The following CSRNP3 variants were observed in gnomAD, a reference collection of about 807,000 sequenced individuals.
The protein encoded by CSRNP3 is cysteine and serine rich nuclear protein 3, also known as cysteine/serine-rich nuclear protein 3.
CSRNP3 carries 12 observed loss-of-function variants against 48.0 expected under a neutral mutation model. The observed-to-expected ratio is 0.25, with a 90% confidence interval of 0.16 to 0.41. CSRNP3 has a LOEUF of 0.41. Among genes scored for constraint, CSRNP3 ranks in the 10% least tolerant of loss-of-function variants. CSRNP3 has a pLI of 1.00. For missense variants in CSRNP3, 580 were observed against 724.4 expected (o/e 0.80, Z 2.29); for synonymous variants, 263 against 269.7 (o/e 0.98, Z 0.24).
intron 4 of CSRNP3, among the ~76,000 whole-genome samples, chr2:165,618,936 C>T (rs1226225079): frequency 6.6e-6 from 1 of 152,188 alleles, no homozygotes; most frequent in Admixed American, 6.5e-5. Context: ...CATTCGGTAA[C>T]ATGCTAGGAA....
In CSRNP3 at chr2:165,532,995, A is replaced by C. The variant is rs191652734; in HGVS notation, c.-24+15034A>C. ...AGAGAATAAAATACCTAGGAATCCA[A>C]CTTACAAGGGATGTGAAAATTCTTA... On this transcript the variant is annotated intron_variant, in intron 3 of 6. Coordinates refer to ENST00000651982, the MANE Select transcript of CSRNP3 (RefSeq NM_001172173.2). Among the ~76,000 whole-genome samples, 450 of 152,226 alleles carry C rather than the reference A, an allele frequency of 3.0e-3. 2 individuals carry two copies. Among genetic ancestry groups the C allele is most frequent in the African/African-American group, 0.01 (426 of 41,544 alleles).
chr2:165,562,850 GA>G (rs1310292853), intron 3 of CSRNP3, among the ~76,000 whole-genome samples: 1 of 152,138 alleles, frequency 6.6e-6, no homozygotes, highest in Non-Finnish European at 1.5e-5. Context: ...GTAATAAAGA[GA>G]CATGAAAGAG....
intron 3 of CSRNP3, among the ~76,000 whole-genome samples, chr2:165,558,322 T>G (rs1685187764): frequency 6.6e-6 from 1 of 152,212 alleles, no homozygotes. Context: ...CCAGCCTGGA[T>G]CTTAAAAGAA....
intron 2 of CSRNP3, among the ~76,000 whole-genome samples, chr2:165,511,551 A>ATCTT (rs1684506180): frequency 1.3e-5 from 2 of 152,310 alleles, no homozygotes; most frequent in East Asian, 3.9e-4. Flanking sequence ...TTGAAGACAG[A>ATCTT]CTACATGATC....
chr2:165,473,951 G>A (rs189509679), intron 1 of CSRNP3, among the ~76,000 whole-genome samples: 6 of 151,960 alleles, frequency 3.9e-5, no homozygotes, highest in African/African-American at 7.2e-5. Flanking sequence ...ACTTTGATAC[G>A]AGATCAACTT....
Position 165,533,909 on chromosome 2 carries a change from G to A in CSRNP3, c.-24+15948G>A, listed in dbSNP as rs1684848889. Among the ~76,000 whole-genome samples, 2 of 151,812 alleles carry A rather than the reference G, an allele frequency of 1.3e-5. 1 individual carries two copies. The highest frequency in any genetic ancestry group is 1.3e-4 in the Admixed American group (2 of 15,214). On this transcript the variant is annotated intron_variant, in intron 3 of 6. Coordinates refer to ENST00000651982, the MANE Select transcript of CSRNP3 (RefSeq NM_001172173.2). Reference sequence around the variant, plus strand: ...ACTTTTTATAAATGGGGAAATATAAGACAATAAATGTTACTGTTTTCAACA... The same window carrying A: ...ACTTTTTATAAATGGGGAAATATAAAACAATAAATGTTACTGTTTTCAACA...
chr2:165,661,772 C>T (rs1687101499), intron 5 of CSRNP3, among the ~76,000 whole-genome samples: 1 of 152,140 alleles, frequency 6.6e-6, no homozygotes, highest in African/African-American at 2.4e-5. Context: ...TTGTGAGTGA[C>T]AGTGAATTGC....
chr2:165,643,205 A>G (rs1300373800), intron 4 of CSRNP3, among the ~76,000 whole-genome samples: 1 of 152,194 alleles, frequency 6.6e-6, no homozygotes. Flanking sequence ...ACGCTGTTGG[A>G]AAACATTCCT....
intron 3 of CSRNP3, among the ~76,000 whole-genome samples, chr2:165,566,509 A>G (rs1685299904): frequency 6.6e-6 from 1 of 151,798 alleles, no homozygotes; most frequent in Non-Finnish European, 1.5e-5. Context: ...AAATGGAGAT[A>G]GTAAAAGTAG....
chr2:165,599,510 C>G (rs576728593), intron 4 of CSRNP3, among the ~76,000 whole-genome samples: 2 of 152,172 alleles, frequency 1.3e-5, no homozygotes, highest in South Asian at 2.1e-4. Context: ...AGACTGGTCT[C>G]AAACTACTGG....
chr2:165,482,257 G>C (rs554313296), intron 1 of CSRNP3, among the ~76,000 whole-genome samples: 6 of 139,766 alleles, frequency 4.3e-5, no homozygotes, highest in African/African-American at 1.7e-4. Flanking sequence ...TTAAATTTAA[G>C]AGATGTGCTT....
At chr2:165,666,049 AAAGAGAG>A (rs1488846402) in intron 5 of CSRNP3, among the ~76,000 whole-genome samples, 5 of 40,810 alleles carry the variant, frequency 1.2e-4, no homozygotes, top group South Asian at 2.0e-3. Context: ...GGAAGGAAGG[AAAGAGAG>A]AGGAAGAAAG....
At chr2:165,546,114 G>A (rs1685021541) in intron 3 of CSRNP3, among the ~76,000 whole-genome samples, 1 of 152,122 alleles carries the variant, frequency 6.6e-6, no homozygotes, top group Non-Finnish European at 1.5e-5. Flanking sequence ...CTGGACTGCA[G>A]CTAGGTCTGT....
chr2:165,477,213 T>C (rs1355037222), intron 1 of CSRNP3, among the ~76,000 whole-genome samples: 2 of 151,962 alleles, frequency 1.3e-5, no homozygotes, highest in Non-Finnish European at 2.9e-5. Flanking sequence ...AAAAATATTC[T>C]ATGATTAAAT....
intron 3 of CSRNP3, among the ~76,000 whole-genome samples, chr2:165,519,105 AACCC>A (rs1684617530): frequency 6.6e-6 from 1 of 152,092 alleles, no homozygotes; most frequent in Non-Finnish European, 1.5e-5. Context: ...GTTCCATTAC[AACCC>A]ACACCCAAAT....
chr2:165,513,212 A>G (rs1684531410), intron 2 of CSRNP3, among the ~76,000 whole-genome samples: 1 of 152,180 alleles, frequency 6.6e-6, no homozygotes, highest in East Asian at 1.9e-4. Context: ...TTCAGAGTAA[A>G]TGATGCTTGT....
chr2:165,638,400 G>A (rs747119139), intron 4 of CSRNP3, among the ~76,000 whole-genome samples: 1 of 151,970 alleles, frequency 6.6e-6, no homozygotes, highest in African/African-American at 2.4e-5. Flanking sequence ...GGCGGATATT[G>A]CAGTGAGCTG....
intron 3 of CSRNP3, among the ~76,000 whole-genome samples, chr2:165,532,113 C>A (rs548222727): frequency 6.6e-6 from 1 of 152,068 alleles, no homozygotes; most frequent in African/African-American, 2.4e-5. Context: ...GATTCACAGC[C>A]GAATTCTACC....
intron 1 of CSRNP3, among the ~76,000 whole-genome samples, chr2:165,471,837 T>A (rs1574789588): frequency 2.0e-5 from 3 of 151,166 alleles, no homozygotes; most frequent in Admixed American, 6.6e-5. Flanking sequence ...AGAGAGAGAA[T>A]GTGTGCTGGA....
Sources: gnomAD v4.1 joint callset for allele counts (sites outside exome capture counted in the v4.1 genomes callset) on GRCh38, gnomAD v4.1.1 for gene constraint, MANE v1.5 for transcripts, NCBI Gene and HGNC (gene_info 2026-07-23, HGNC 2026-07-21) for gene names.